The following LNP1 variants were observed in gnomAD, a reference collection of about 807,000 sequenced individuals.
LNP1 encodes leukemia NUP98 fusion partner 1.
Under a neutral mutation model 14.5 loss-of-function variants are expected in LNP1, and 12 were observed. The observed-to-expected ratio is 0.83, with a 90% confidence interval of 0.53 to 1.34. The LOEUF (loss-of-function observed/expected upper bound fraction) is 1.34, where lower values mean the gene tolerates loss of function less well. Ranked by LOEUF, LNP1 falls within the 40% of genes most tolerant of loss-of-function variation. The pLI is 0.00. For synonymous variants in LNP1, 75 were observed against 71.4 expected (o/e 1.05, Z -0.26); for missense variants, 198 against 210.9 (o/e 0.94, Z 0.38).
At chr3:100,424,743 C>T (rs75072245) in intron 1 of LNP1, among the ~76,000 whole-genome samples, 1,807 of 152,306 alleles carry the variant, frequency 0.012, 35 homozygotes, top group African/African-American at 0.042. Context: ...GCTAACCTTG[C>T]AAGCAGGTCC....
intron 1 of LNP1, among the ~76,000 whole-genome samples, chr3:100,404,718 T>C (rs1266573698): frequency 6.6e-6 from 1 of 152,158 alleles, no homozygotes; most frequent in African/African-American, 2.4e-5. Flanking sequence ...TGAGCAGTTT[T>C]GCTTGGATTC....
chr3:100,415,511 G>T (rs1289767403), intron 1 of LNP1, among the ~76,000 whole-genome samples: 2 of 152,114 alleles, frequency 1.3e-5, no homozygotes, highest in Non-Finnish European at 2.9e-5. Context: ...GTCAAAAAAT[G>T]GAATTGTAAA....
chr3:100,410,544 A>G (rs185836466), intron 1 of LNP1, among the ~76,000 whole-genome samples: 3 of 152,320 alleles, frequency 2.0e-5, no homozygotes, highest in African/African-American at 7.2e-5. Context: ...CTTGCTGCTT[A>G]TAGTAAAATG....
intron 1 of LNP1, among the ~76,000 whole-genome samples, chr3:100,409,769 A>G (rs897521001): frequency 8.6e-5 from 13 of 150,952 alleles, no homozygotes; most frequent in South Asian, 4.2e-4. Flanking sequence ...TAATTTTTGT[A>G]TTTTTAGTAG....
chr3:100,449,655 CA>C (rs1409862588), intron 2 of LNP1, among the ~76,000 whole-genome samples: 2 of 152,078 alleles, frequency 1.3e-5, no homozygotes, highest in African/African-American at 4.8e-5. Flanking sequence ...CAAACAAAAT[CA>C]AACCAAAAAA....
At chr3:100,436,900 C>G (rs141699753) in intron 2 of LNP1, among the ~76,000 whole-genome samples, 1 of 152,306 alleles carries the variant, frequency 6.6e-6, no homozygotes, top group African/African-American at 2.4e-5. Flanking sequence ...TTTTCTTTCT[C>G]TCTCTATCCC....
chr3:100,428,818 AC>A, intron 1 of LNP1, among the ~76,000 whole-genome samples: 1 of 152,364 alleles, frequency 6.6e-6, no homozygotes, highest in South Asian at 2.1e-4. Flanking sequence ...TACTGCAAAA[AC>A]ATGGATATAT....
chr3:100,444,381 C>T (rs980062504), intron 2 of LNP1, among the ~76,000 whole-genome samples: 3 of 152,046 alleles, frequency 2.0e-5, no homozygotes, highest in African/African-American at 7.2e-5. Flanking sequence ...TAGGAGTTTC[C>T]CATACTTCTG....
intron 1 of LNP1, among the ~76,000 whole-genome samples, chr3:100,409,683 C>T (rs539146616): frequency 1.4e-4 from 21 of 150,456 alleles, no homozygotes; most frequent in African/African-American, 4.9e-4. Context: ...CTGCAACTTC[C>T]GCCTCCTGGG....
intron 2 of LNP1, among the ~76,000 whole-genome samples, chr3:100,433,141 T>A (rs1432784982): frequency 6.6e-6 from 1 of 152,220 alleles, no homozygotes; most frequent in Admixed American, 6.5e-5. Context: ...GGTGGTTTGC[T>A]GCACCTACCA....
At chr3:100,424,142 T>C (rs1348255878) in intron 1 of LNP1, among the ~76,000 whole-genome samples, 2 of 152,200 alleles carry the variant, frequency 1.3e-5, no homozygotes, top group African/African-American at 2.4e-5. Context: ...CTCATTTTCT[T>C]TAATGTAGTC....
Position 100,456,059 on chromosome 3 carries a change from CT to C in LNP1, c.*134del. 1 of 858,942 alleles carries C rather than the reference CT, an allele frequency of 1.2e-6. No individual in the cohort carries two copies. Among genetic ancestry groups the C allele is most frequent in the Non-Finnish European group, 1.8e-6 (1 of 546,838 alleles). The allele number at this position is 858,942 out of a possible 1,614,324, so 53.2% of individuals were successfully genotyped here. Reference sequence around the variant, plus strand: ...CAGCTATAAAAAGCAACTGCAGATGCTGACTGACTGCAGTGGGCAGGGTATG... The same window carrying C: ...CAGCTATAAAAAGCAACTGCAGATGCGACTGACTGCAGTGGGCAGGGTATG... On this transcript the variant is annotated 3_prime_UTR_variant, in exon 4 of 4. Coordinates refer to ENST00000383693, the MANE Select transcript of LNP1 (RefSeq NM_001085451.2).
In LNP1 at chr3:100,455,849, G is replaced by A. The variant is rs184735880; in HGVS notation, c.460G>A (p.Glu154Lys). The A allele has an allele frequency of 1.9e-5, 30 of 1,614,064 alleles. No individual in the cohort carries two copies. The East Asian group carries it at 6.5e-4, about 35-fold the overall frequency. ...RMEIKSRKKV[E>K]EERSSRKEEH... is the part of the protein sequence containing the mutation. ...GGAGATAAAATCCCGAAAGAAAGTA[G>A]AGGAAGAAAGGAGCTCTAGGAAAGA... is the stretch of plus-strand genomic sequence containing the variant. The change falls in exon 4 of 4, where the codon GAG becomes AAG. Residue 154 changes from glutamate (E) to lysine (K), a missense_variant. Coordinates refer to ENST00000383693, the MANE Select transcript of LNP1 (RefSeq NM_001085451.2).
intron 1 of LNP1, among the ~76,000 whole-genome samples, chr3:100,411,840 G>C (rs998144647): frequency 6.6e-6 from 1 of 152,032 alleles, no homozygotes; most frequent in African/African-American, 2.4e-5. Flanking sequence ...AAATACCATC[G>C]CATTGGGGGT....
At chr3:100,455,062 AC>A (rs1362104150) in intron 3 of LNP1, among the ~76,000 whole-genome samples, 6 of 149,458 alleles carry the variant, frequency 4.0e-5, no homozygotes, top group African/African-American at 1.2e-4. Context: ...TAAAGAAGCA[AC>A]CCCCCCACCC....
chr3:100,410,690 A>T (rs1707024286), intron 1 of LNP1, among the ~76,000 whole-genome samples: 1 of 152,232 alleles, frequency 6.6e-6, no homozygotes, highest in African/African-American at 2.4e-5. Flanking sequence ...ACCAGCAGAA[A>T]CACTGCTGGC....
At chr3:100,439,606 C>A (rs745476054) in intron 2 of LNP1, among the ~76,000 whole-genome samples, 2 of 152,138 alleles carry the variant, frequency 1.3e-5, no homozygotes, top group African/African-American at 2.4e-5. Context: ...TTCTCCTCTA[C>A]CCCCCTAACA....
intron 2 of LNP1, among the ~76,000 whole-genome samples, chr3:100,432,026 A>G (rs1190387976): frequency 1.2e-4 from 5 of 40,950 alleles, no homozygotes; most frequent in South Asian, 9.0e-4. Context: ...ATATATATAT[A>G]TATATATATA....
chr3:100,411,099 T>G (rs758057606), intron 1 of LNP1, among the ~76,000 whole-genome samples: 4 of 152,206 alleles, frequency 2.6e-5, no homozygotes, highest in Non-Finnish European at 5.9e-5. Flanking sequence ...GGCAGAGAGT[T>G]GAACCCAAGA....
Sources: gnomAD v4.1 joint callset for allele counts (sites outside exome capture counted in the v4.1 genomes callset) on GRCh38, gnomAD v4.1.1 for gene constraint, MANE v1.5 for transcripts, NCBI Gene and HGNC (gene_info 2026-07-23, HGNC 2026-07-21) for gene names.